Variants in MIPOL1 observed in about 807,000 individuals in gnomAD.
MIPOL1 encodes mirror-image polydactyly gene 1 protein.
Under a neutral mutation model 60.9 loss-of-function variants are expected in MIPOL1, and 57 were observed. The ratio of observed to expected loss-of-function variants is 0.94; its 90% CI spans 0.76 to 1.17. The LOEUF is 1.17. Among genes scored for constraint, MIPOL1 ranks in the 50% most tolerant of loss-of-function variants. MIPOL1 has a pLI of 0.00. For synonymous variants in MIPOL1, 179 were observed against 168.8 expected, an observed-to-expected ratio of 1.06 and a Z score of -0.47; for missense variants, 551 against 511.6, an observed-to-expected ratio of 1.08 and a Z score of -0.74.
At chr14:37,312,456 C>T (rs1289980760) in intron 9 of MIPOL1, among the ~76,000 whole-genome samples, 1 of 152,076 alleles carries the variant, frequency 6.6e-6, no homozygotes, top group African/African-American at 2.4e-5. Context: ...CTAATTATGT[C>T]TTCTGTATAG....
At chr14:37,229,624 G>A (rs909393775) in intron 1 of MIPOL1, among the ~76,000 whole-genome samples, 4 of 152,086 alleles carry the variant, frequency 2.6e-5, no homozygotes, top group Admixed American at 2.0e-4. Context: ...TTTATGCAGC[G>A]ATGTAGAAAT....
chr14:37,212,998 G>C (rs748505749), intron 1 of MIPOL1, among the ~76,000 whole-genome samples: 60 of 152,160 alleles, frequency 3.9e-4, no homozygotes, highest in African/African-American at 1.4e-3. Flanking sequence ...GAGTCTGCAA[G>C]AACCACAGCA....
chr14:37,293,489 A>G (rs924348939), intron 7 of MIPOL1, among the ~76,000 whole-genome samples: 8 of 152,154 alleles, frequency 5.3e-5, no homozygotes, highest in African/African-American at 9.7e-5. Flanking sequence ...TGCACTGTGC[A>G]TGAGCCAAAG....
intron 1 of MIPOL1, among the ~76,000 whole-genome samples, chr14:37,237,008 G>A (rs545118986): frequency 6.6e-6 from 1 of 152,058 alleles, no homozygotes; most frequent in Non-Finnish European, 1.5e-5. Context: ...TAGATTCCCT[G>A]GTATACTTGG....
At chr14:37,364,401 G>A (rs1384797242) in intron 9 of MIPOL1, among the ~76,000 whole-genome samples, 3 of 152,132 alleles carry the variant, frequency 2.0e-5, no homozygotes, top group East Asian at 1.9e-4. Flanking sequence ...TTTGATTTTT[G>A]TATATGGCAA....
intron 1 of MIPOL1, among the ~76,000 whole-genome samples, chr14:37,229,519 G>A (rs1344334787): frequency 6.6e-6 from 1 of 152,026 alleles, no homozygotes; most frequent in Non-Finnish European, 1.5e-5. Flanking sequence ...AAGCCCATTG[G>A]TTATATGAAT....
intron 1 of MIPOL1, among the ~76,000 whole-genome samples, chr14:37,200,504 G>T (rs1965058598): frequency 6.6e-6 from 1 of 152,114 alleles, no homozygotes; most frequent in South Asian, 2.1e-4. Flanking sequence ...GAAAATATTT[G>T]ATTGGTAACA....
intron 11 of MIPOL1, among the ~76,000 whole-genome samples, chr14:37,483,441 A>T (rs1397719882): frequency 2.0e-5 from 3 of 152,056 alleles, no homozygotes; most frequent in African/African-American, 7.2e-5. Context: ...TCCTTAAAGA[A>T]AAAAATATTT....
intron 10 of MIPOL1, among the ~76,000 whole-genome samples, chr14:37,375,055 T>C (rs1405654951): frequency 1.3e-5 from 2 of 152,206 alleles, no homozygotes; most frequent in East Asian, 1.9e-4. Flanking sequence ...TCTTTTATTT[T>C]GTTGAGCAGT....
intron 3 of MIPOL1, among the ~76,000 whole-genome samples, chr14:37,259,135 A>T (rs903835283): frequency 2.6e-5 from 4 of 152,092 alleles, no homozygotes; most frequent in African/African-American, 9.7e-5. Flanking sequence ...ATATTGACAG[A>T]TTTAGTGATT....
At chr14:37,498,876 A>G (rs1014391330) in intron 11 of MIPOL1, among the ~76,000 whole-genome samples, 1 of 152,150 alleles carries the variant, frequency 6.6e-6, no homozygotes, top group African/African-American at 2.4e-5. Context: ...TACTTTGAAC[A>G]GTTTTAAAGA....
chr14:37,202,252 G>GT (rs913053536), intron 1 of MIPOL1, among the ~76,000 whole-genome samples: 6 of 151,838 alleles, frequency 4.0e-5, no homozygotes, highest in South Asian at 2.1e-4. Flanking sequence ...ATGTATAATT[G>GT]TTTTTTTTAG....
At chr14:37,364,102 A>C (rs1207956429) in intron 9 of MIPOL1, among the ~76,000 whole-genome samples, 2 of 152,200 alleles carry the variant, frequency 1.3e-5, no homozygotes, top group African/African-American at 4.8e-5. Flanking sequence ...GGGTGAGGTG[A>C]CGCCCTGCCC....
intron 1 of MIPOL1, among the ~76,000 whole-genome samples, chr14:37,204,575 T>G (rs2139160464): frequency 6.6e-6 from 1 of 152,238 alleles, no homozygotes; most frequent in Middle Eastern, 3.4e-3. Context: ...CTTTCATTCT[T>G]TTTTGCTGCC....
intron 1 of MIPOL1, among the ~76,000 whole-genome samples, chr14:37,209,706 G>C (rs754555088): frequency 1.3e-5 from 2 of 151,886 alleles, no homozygotes; most frequent in African/African-American, 2.4e-5. Context: ...CATGGTTTTC[G>C]TTTATTTGCT....
At chr14:37,453,880 A>G (rs2094449231) in intron 11 of MIPOL1, among the ~76,000 whole-genome samples, 1 of 152,186 alleles carries the variant, frequency 6.6e-6, no homozygotes, top group South Asian at 2.1e-4. Context: ...TGAAAACCAC[A>G]CTGTCCAGTA....
At chr14:37,299,145 T>A (rs2086104730) in intron 7 of MIPOL1, among the ~76,000 whole-genome samples, 2 of 152,198 alleles carry the variant, frequency 1.3e-5, no homozygotes, top group South Asian at 2.1e-4. Flanking sequence ...ATGTCCTTTG[T>A]AGGGACATGG....
intron 7 of MIPOL1, among the ~76,000 whole-genome samples, chr14:37,289,458 G>A (rs760320686): frequency 6.6e-6 from 1 of 152,220 alleles, no homozygotes; most frequent in Non-Finnish European, 1.5e-5. Flanking sequence ...CTTCAAGTTA[G>A]TGTTCATACA....
intron 11 of MIPOL1, among the ~76,000 whole-genome samples, chr14:37,490,083 G>A (rs2153605106): frequency 1.3e-5 from 2 of 152,322 alleles, no homozygotes; most frequent in South Asian, 4.1e-4. Flanking sequence ...CTGTCCCAGG[G>A]AGATGGGGGT....
Sources: gnomAD v4.1 joint callset for allele counts (sites outside exome capture counted in the v4.1 genomes callset) on GRCh38, gnomAD v4.1.1 for gene constraint, MANE v1.5 for transcripts, NCBI Gene and HGNC (gene_info 2026-07-23, HGNC 2026-07-21) for gene names.